RGPD4: variants seen among roughly 807,000 people sequenced by gnomAD.
The protein encoded by RGPD4 is RANBP2 like and GRIP domain containing 4.
In RGPD4, 84 loss-of-function variants were observed where a neutral mutation model predicts 141.1. The observed-to-expected ratio is 0.60, with a 90% CI of 0.50 to 0.71. The LOEUF (loss-of-function observed/expected upper bound fraction) is 0.71. Among genes scored for constraint, RGPD4 ranks in the 30% least tolerant of loss-of-function variants. The probability of loss-of-function intolerance (pLI) is 0.00; values close to 1 mark genes in which losing one functional copy is unlikely to be tolerated. For missense variants in RGPD4, 918 were observed against 1,622.4 expected, an observed-to-expected ratio of 0.57 and a Z score of 7.46; for synonymous variants, 298 against 566.8, an observed-to-expected ratio of 0.53 and a Z score of 6.74.
intron 9 of RGPD4, among the ~76,000 whole-genome samples, chr2:107,858,408 CTT>C (rs1682407329): frequency 1.4e-5 from 2 of 141,104 alleles, no homozygotes; most frequent in Non-Finnish European, 1.5e-5. Flanking sequence ...CTTTTCTTTT[CTT>C]TTCTTTTCTT....
At chr2:107,831,552 A>ATTTTCTTTTC (rs1238887710) in intron 1 of RGPD4, among the ~76,000 whole-genome samples, 10 of 85,742 alleles carry the variant, frequency 1.2e-4, no homozygotes, top group Non-Finnish European at 1.8e-4. Flanking sequence ...CATTTTAGAC[A>ATTTTCTTTTC]TTTTCTTTTC....
chr2:107,856,018 C>A (rs1174343223), intron 8 of RGPD4, among the ~76,000 whole-genome samples: 6 of 126,610 alleles, frequency 4.7e-5, no homozygotes, highest in Non-Finnish European at 9.5e-5. Context: ...AAACCTATGG[C>A]ATAAAAATCT....
chr2:107,852,255 A>AAT (rs1296881252), intron 7 of RGPD4, among the ~76,000 whole-genome samples: 32 of 149,562 alleles, frequency 2.1e-4, no homozygotes, highest in African/African-American at 7.2e-4. Flanking sequence ...CATCTCAAAA[A>AAT]AAAAAAAAAA....
In RGPD4 at chr2:107,870,475, ATACCT is replaced by A. The variant is rs1464762605; in HGVS notation, c.2701-227_2701-223del. Among the ~76,000 whole-genome samples the A allele has an allele frequency of 3.1e-3, 462 of 148,824 alleles. 9 individuals carry two copies. Among genetic ancestry groups the A allele is most frequent in the Middle Eastern group, 0.01 (3 of 286 alleles). On this transcript the variant is annotated intron_variant, in intron 19 of 22. Coordinates refer to ENST00000408999, the MANE Select transcript of RGPD4 (RefSeq NM_182588.3). ...CATATGTAAAATGAGGATAATAATA[ATACCT>A]TAATTCATAGGGTTTTTGAGGATAT...
intron 1 of RGPD4, among the ~76,000 whole-genome samples, chr2:107,830,517 T>C (rs1681446213): frequency 6.6e-6 from 1 of 152,178 alleles, no homozygotes. Context: ...TTGGTTATTA[T>C]GGCACCTCTC....
At chr2:107,857,835 T>C (rs1682379856) in intron 9 of RGPD4, among the ~76,000 whole-genome samples, 1 of 151,418 alleles carries the variant, frequency 6.6e-6, no homozygotes, top group Non-Finnish European at 1.5e-5. Flanking sequence ...CTACTAAAAA[T>C]ACAAAAATTA....
intron 22 of RGPD4, among the ~76,000 whole-genome samples, 173 bp from the exon 23 acceptor site, chr2:107,890,548 C>CAAAAA (rs1210623696): frequency 1.0e-3 from 17 of 16,288 alleles, no homozygotes; most frequent in Non-Finnish European, 1.2e-3. Flanking sequence ...GACCCTGTCT[C>CAAAAA]AAAAAAAAAA....
chr2:107,876,728 C>T (rs1278840754), intron 20 of RGPD4, among the ~76,000 whole-genome samples: 4 of 151,658 alleles, frequency 2.6e-5, no homozygotes, highest in South Asian at 2.1e-4. Context: ...TAGCAGCTAT[C>T]GGTCACTTAT....
chr2:107,827,922 G>C (rs1681285643), intron 1 of RGPD4, among the ~76,000 whole-genome samples: 1 of 17,014 alleles, frequency 5.9e-5, no homozygotes, highest in Non-Finnish European at 1.0e-4. Flanking sequence ...GACCTGGCCC[G>C]GAGGCGGCCT....
At chr2:107,832,439 T>A (rs1681525500) in intron 1 of RGPD4, among the ~76,000 whole-genome samples, 1 of 150,594 alleles carries the variant, frequency 6.6e-6, no homozygotes, top group African/African-American at 2.5e-5. Flanking sequence ...GATGAGAGGT[T>A]TTTTTGTTTG....
At chr2:107,834,931 A>G (rs1681621023) in intron 1 of RGPD4, among the ~76,000 whole-genome samples, 1 of 39,166 alleles carries the variant, frequency 2.6e-5, no homozygotes, top group East Asian at 3.6e-4. Flanking sequence ...AACAGGAAAC[A>G]TGTTTCGATT....
chr2:107,876,452 A>T (rs1437433181), intron 20 of RGPD4, among the ~76,000 whole-genome samples: 1 of 151,638 alleles, frequency 6.6e-6, no homozygotes, highest in Non-Finnish European at 1.5e-5. Flanking sequence ...TAGTCATCAA[A>T]TTTGTCTACT....
At position 107,833,113 on chromosome 2, in the gene RGPD4, T is replaced by G. The variant is rs961907179; in HGVS notation, c.73-3489T>G. Among the ~76,000 whole-genome samples, 502 of 148,772 alleles carry G rather than the reference T, an allele frequency of 3.4e-3. 1 individual carries two copies. The highest frequency in any genetic ancestry group is 0.012 in the African/African-American group (485 of 39,742). On this transcript the variant is annotated intron_variant, in intron 1 of 22. Coordinates refer to ENST00000408999, the MANE Select transcript of RGPD4 (RefSeq NM_182588.3). Reference sequence around the variant, plus strand: ...TCGCGGCCTTCACCCTTGTTGGGACTCCACAGATTTGTAGCTGATCAGATG... The same window carrying G: ...TCGCGGCCTTCACCCTTGTTGGGACGCCACAGATTTGTAGCTGATCAGATG...
At chr2:107,830,914 A>G (rs1156726474) in intron 1 of RGPD4, among the ~76,000 whole-genome samples, 14 of 152,066 alleles carry the variant, frequency 9.2e-5, no homozygotes, top group African/African-American at 3.1e-4. Context: ...ACTCCCTCAC[A>G]TGTGCTTTTG....
intron 1 of RGPD4, among the ~76,000 whole-genome samples, chr2:107,829,558 G>A (rs112254001): frequency 1.4e-5 from 2 of 146,618 alleles, no homozygotes; most frequent in African/African-American, 5.2e-5. Context: ...GCCCGGCGGC[G>A]GCCTCGATGG....
In RGPD4 at chr2:107,830,345, A is replaced by G. The variant is rs1459156198; in HGVS notation, c.72+3260A>G. 1.3e-3 allele frequency among the ~76,000 whole-genome samples: 11 copies of G among 8,614 alleles called. No individual in the cohort carries two copies. In the African/African-American group the frequency reaches 0.023, roughly 18 times the overall value. The allele number at this position is 8,614 out of a possible 152,430, so 5.7% of individuals were successfully genotyped here. On this transcript the variant is annotated intron_variant, in intron 1 of 22. Transcript: ENST00000408999. ...GATTTTTTTTTTTTAAACAAGCTTAAAAAAAAAAAAAAAAGCATGTTTAGA... is the reference window on the plus strand; with the variant it reads ...GATTTTTTTTTTTTAAACAAGCTTAGAAAAAAAAAAAAAAGCATGTTTAGA...
Position 107,829,984 on chromosome 2 carries a change from G to A in RGPD4, c.72+2899G>A, listed in dbSNP as rs565043296. Among the ~76,000 whole-genome samples, 836 of 152,126 alleles carry A rather than the reference G, an allele frequency of 5.5e-3. 6 individuals carry two copies. The highest frequency in any genetic ancestry group is 8.7e-3 in the South Asian group (42 of 4,818). On this transcript the variant is annotated intron_variant, in intron 1 of 22. Transcript: ENST00000408999. Reference sequence around the variant, plus strand: ...CCGGGTGAGCTTTGGCGGCTGCGTCGAGTGACAAGGTAGGCATCTCAGCGC... The same window carrying A: ...CCGGGTGAGCTTTGGCGGCTGCGTCAAGTGACAAGGTAGGCATCTCAGCGC...
chr2:107,886,510 CTT>C (rs1675517015), intron 22 of RGPD4, among the ~76,000 whole-genome samples: 1 of 148,248 alleles, frequency 6.7e-6, no homozygotes, highest in South Asian at 2.2e-4. Flanking sequence ...AAAACAAAAA[CTT>C]TAAGAATCTG....
chr2:107,827,026 A>C lies in RGPD4; in HGVS notation c.13A>C (p.Lys5Gln). The C allele has an allele frequency of 6.3e-7, 1 of 1,599,920 alleles. No individual in the cohort carries two copies. The highest frequency in any genetic ancestry group is 8.5e-7 in the Non-Finnish European group (1 of 1,174,742). MSCS[K>Q]AYGERYVASV... The stretch of plus-strand genomic sequence containing the variant: ...GGTTGGTGGCGCGATGAGTTGCAGC[A>C]AGGCCTACGGGGAGCGGTACGTCGC... The change falls in exon 1 of 23, where the codon AAG becomes CAG. Residue 5 changes from lysine to glutamine, a missense_variant. Physicochemically the swap from Lys to Gln is moderately conservative, Grantham distance 53 (BLOSUM62 1). Transcript: ENST00000408999.
Sources: gnomAD v4.1 joint callset for allele counts (sites outside exome capture counted in the v4.1 genomes callset) on GRCh38, gnomAD v4.1.1 for gene constraint, MANE v1.5 for transcripts, NCBI Gene and HGNC (gene_info 2026-07-23, HGNC 2026-07-21) for gene names.